PDE4D: variants seen among roughly 807,000 people sequenced by gnomAD.
The protein encoded by PDE4D is phosphodiesterase 4D.
Under a neutral mutation model 87.4 loss-of-function variants are expected in PDE4D, and 24 were observed. That is an observed-to-expected ratio of 0.27 (90% CI 0.20 to 0.39). The LOEUF (loss-of-function observed/expected upper bound fraction) is 0.39, where lower values mean the gene tolerates loss of function less well. Ranked by LOEUF, PDE4D falls within the 10% of genes least tolerant of loss-of-function variation. The pLI is 1.00. For missense variants in PDE4D, 714 were observed against 1,041.0 expected (o/e 0.69, Z 4.32); for synonymous variants, 384 against 383.2 (o/e 1.00, Z -0.02).
rs251727 is a variant in PDE4D at position 60,454,273 on chromosome 5, A to G, written c.-90+33669T>C. On this transcript the variant is annotated intron_variant, in intron 1 of 16. Coordinates refer to the PDE4D transcript ENST00000502484. ...TCAAGGATCTAGAACCTGAAATACC[A>G]TTTGACCCAGCAATCCCATTACTGG... Among the ~76,000 whole-genome samples the G allele has an allele frequency of 9.9e-3, 1,501 of 152,236 alleles. 76 individuals carry two copies. In the East Asian group the frequency reaches 0.14, roughly 14 times the overall value.
intron 1 of PDE4D, among the ~76,000 whole-genome samples, chr5:59,221,969 G>A (rs1473455648): frequency 6.6e-6 from 1 of 152,146 alleles, no homozygotes; most frequent in Non-Finnish European, 1.5e-5. Flanking sequence ...TCCCATGAGG[G>A]GGCAGTAACA....
At chr5:59,186,054 C>T (rs1286003381) in intron 3 of PDE4D, among the ~76,000 whole-genome samples, 1 of 152,146 alleles carries the variant, frequency 6.6e-6, no homozygotes, top group Non-Finnish European at 1.5e-5. Flanking sequence ...AGAGCCTTAT[C>T]TCCTTCTTCC....
intron 1 of PDE4D, among the ~76,000 whole-genome samples, chr5:59,271,470 T>A (rs182494267): frequency 3.3e-5 from 5 of 152,312 alleles, no homozygotes; most frequent in Admixed American, 3.3e-4. Context: ...TAATGGGTTA[T>A]TTTCCTTCCA....
chr5:59,034,330 T>TA (rs1169704854), intron 6 of PDE4D, among the ~76,000 whole-genome samples: 1 of 152,198 alleles, frequency 6.6e-6, no homozygotes, highest in Non-Finnish European at 1.5e-5. Context: ...TTTAATATGT[T>TA]AATGTAGAAA....
intron 1 of PDE4D, among the ~76,000 whole-genome samples, chr5:60,218,126 GATCT>G (rs1034306759): frequency 4.4e-4 from 67 of 151,962 alleles, no homozygotes; most frequent in African/African-American, 1.5e-3. Context: ...TGAAAATAAA[GATCT>G]ATCAAGAGTA....
At chr5:59,723,881 C>T (rs368128488) in intron 1 of PDE4D, among the ~76,000 whole-genome samples, 3 of 152,072 alleles carry the variant, frequency 2.0e-5, no homozygotes, top group African/African-American at 7.2e-5. Flanking sequence ...ACAATTTTAT[C>T]CCAAAAAGGG....
intron 1 of PDE4D, among the ~76,000 whole-genome samples, chr5:59,891,897 G>T (rs1447412811): frequency 1.3e-5 from 2 of 152,110 alleles, no homozygotes; most frequent in Non-Finnish European, 2.9e-5. Context: ...CCCAGCCCTA[G>T]ATTTTCCTGT....
At chr5:59,114,521 A>G (rs1185793121) in intron 5 of PDE4D, among the ~76,000 whole-genome samples, 1 of 152,126 alleles carries the variant, frequency 6.6e-6, no homozygotes, top group African/African-American at 2.4e-5. Context: ...AGAAGAGGTT[A>G]AGATGGATTT....
chr5:60,133,897 C>T (rs1424471297), intron 2 of PDE4D, among the ~76,000 whole-genome samples: 1 of 152,098 alleles, frequency 6.6e-6, no homozygotes, highest in Non-Finnish European at 1.5e-5. Context: ...AAGTTTACAT[C>T]TGTATTTTTA....
At chr5:60,498,269 C>T (rs1749911826) in intron 1 of PDE4D, among the ~76,000 whole-genome samples, 1 of 151,980 alleles carries the variant, frequency 6.6e-6, no homozygotes, top group African/African-American at 2.4e-5. Context: ...TGTCTTTGCT[C>T]AGAGGAAAAT....
chr5:59,688,955 A>G (rs1376006314), intron 1 of PDE4D, among the ~76,000 whole-genome samples: 1 of 152,238 alleles, frequency 6.6e-6, no homozygotes, highest in Non-Finnish European at 1.5e-5. Flanking sequence ...TATGCAAATA[A>G]ACTAGAAAAT....
At chr5:59,080,759 A>C (rs10037973) in intron 5 of PDE4D, among the ~76,000 whole-genome samples, 97,229 of 151,986 alleles carry the variant, frequency 0.64, 31,304 homozygotes, top group East Asian at 0.82. Flanking sequence ...GTGTGAATGT[A>C]AGACTCACAA....
In PDE4D at chr5:60,279,959, C is replaced by A. The variant is rs537800393; in HGVS notation, c.-89-94272G>T. 2.0e-5 allele frequency among the ~76,000 whole-genome samples: 3 copies of A among 152,066 alleles called. No homozygotes were observed. In the East Asian group the frequency reaches 5.8e-4, roughly 29 times the overall value. ...CCTCCCAAAGTGCTGGGATTACAGGCGTGAGCCACCACACTCAGCCCATGT... is the reference window on the plus strand; with the variant it reads ...CCTCCCAAAGTGCTGGGATTACAGGAGTGAGCCACCACACTCAGCCCATGT... On this transcript the variant is annotated intron_variant, in intron 1 of 16. Coordinates refer to the PDE4D transcript ENST00000502484.
At position 59,107,181 on chromosome 5, in the gene PDE4D, A is replaced by G. The variant is rs143115062; in HGVS notation, c.809-68210T>C. On this transcript the variant is annotated intron_variant, in intron 5 of 14. Coordinates refer to ENST00000340635, the MANE Select transcript of PDE4D (RefSeq NM_001104631.2). ...TAATATGAAATATAGACATAATGCT[A>G]TGAGAGTGCTGAGGGCATTTTTCTT... Among the ~76,000 whole-genome samples the G allele has an allele frequency of 1.3e-4, 20 of 152,222 alleles. 1 individual carries two copies. In the East Asian group the frequency reaches 3.9e-3, roughly 29 times the overall value.
At chr5:59,795,354 A>C (rs1425026975) in intron 1 of PDE4D, among the ~76,000 whole-genome samples, 1 of 152,150 alleles carries the variant, frequency 6.6e-6, no homozygotes, top group African/African-American at 2.4e-5. Context: ...TCTCAGAAGG[A>C]AAAGGAAAGT....
chr5:60,332,731 T>C (rs1374053544), intron 1 of PDE4D, among the ~76,000 whole-genome samples: 7 of 152,216 alleles, frequency 4.6e-5, no homozygotes. Context: ...TGGCCATATG[T>C]AGCTATGGCT....
At chr5:59,195,082 T>C (rs1745160459) in intron 2 of PDE4D, among the ~76,000 whole-genome samples, 1 of 152,112 alleles carries the variant, frequency 6.6e-6, no homozygotes, top group African/African-American at 2.4e-5. Context: ...GGATGATGCA[T>C]CCCAAATATC....
At chr5:59,310,064 C>T (rs1038676537) in intron 1 of PDE4D, among the ~76,000 whole-genome samples, 1 of 152,142 alleles carries the variant, frequency 6.6e-6, no homozygotes, top group Non-Finnish European at 1.5e-5. Flanking sequence ...TCCTGGTGGG[C>T]GACAGCAGAG....
chr5:59,394,884 C>T (rs1316222361), intron 1 of PDE4D, among the ~76,000 whole-genome samples: 1 of 152,078 alleles, frequency 6.6e-6, no homozygotes, highest in Non-Finnish European at 1.5e-5. Context: ...GCACCGTGCA[C>T]AAGCCGAAGC....
Sources: allele counts gnomAD v4.1 joint callset (sites outside exome capture counted in the v4.1 genomes callset), GRCh38; gene constraint gnomAD v4.1.1; transcripts MANE v1.5; gene names NCBI Gene and HGNC (gene_info 2026-07-23, HGNC 2026-07-21).